The following SLC38A6 variants were observed in gnomAD, a reference collection of about 807,000 sequenced individuals.
SLC38A6 encodes solute carrier family 38 member 6.
In SLC38A6, 73 loss-of-function variants were observed where a neutral mutation model predicts 65.0. That is an observed-to-expected ratio of 1.12 (90% confidence interval 0.93 to 1.37). The LOEUF (loss-of-function observed/expected upper bound fraction) is 1.37. Ranked by LOEUF, SLC38A6 falls within the 40% of genes most tolerant of loss-of-function variation. SLC38A6 has a pLI of 0.00. For missense variants in SLC38A6, 561 were observed against 531.1 expected, an observed-to-expected ratio of 1.06 and a Z score of -0.55; for synonymous variants, 183 against 178.8, an observed-to-expected ratio of 1.02 and a Z score of -0.19.
At chr14:61,003,391 C>A (rs1200890731) in intron 3 of SLC38A6, among the ~76,000 whole-genome samples, 1 of 152,004 alleles carries the variant, frequency 6.6e-6, no homozygotes, top group Non-Finnish European at 1.5e-5. Context: ...TAACCACTTT[C>A]TCATTGTTGA....
intron 3 of SLC38A6, among the ~76,000 whole-genome samples, chr14:60,988,737 C>T (rs193241236): frequency 5.9e-5 from 9 of 152,212 alleles, no homozygotes; most frequent in Admixed American, 5.9e-4. Flanking sequence ...CTCATTCTTA[C>T]TTCCCTCTTT....
At chr14:61,020,654 C>T (rs1223388781) in intron 5 of SLC38A6, among the ~76,000 whole-genome samples, 1 of 151,996 alleles carries the variant, frequency 6.6e-6, no homozygotes, top group Non-Finnish European at 1.5e-5. Flanking sequence ...TAATTTTCTC[C>T]TAACACACAC....
intron 15 of SLC38A6, among the ~76,000 whole-genome samples, chr14:61,076,779 A>C (rs2043435328): frequency 6.6e-6 from 1 of 152,184 alleles, no homozygotes; most frequent in African/African-American, 2.4e-5. Context: ...TTGCCACAGC[A>C]CTGTTGTTTC....
chr14:61,009,237 C>G (rs2039370361), intron 3 of SLC38A6, among the ~76,000 whole-genome samples: 1 of 152,102 alleles, frequency 6.6e-6, no homozygotes, highest in African/African-American at 2.4e-5. Flanking sequence ...TACCCCTGAT[C>G]AGCCTACACA....
intron 15 of SLC38A6, among the ~76,000 whole-genome samples, chr14:61,064,572 A>G (rs1264143096): frequency 6.8e-6 from 1 of 147,818 alleles, no homozygotes; most frequent in East Asian, 2.0e-4. Flanking sequence ...TGCCTTATCT[A>G]GTTGCCTGTT....
chr14:61,061,220 G>T lies in SLC38A6; in HGVS notation c.1290+9085G>T, dbSNP rs538570662. Reference sequence around the variant, plus strand: ...TCATGTGGTTTTTGTCTTTAGTTCTGTTTATGTGATGAATCACATTTATTG... The same window carrying T: ...TCATGTGGTTTTTGTCTTTAGTTCTTTTTATGTGATGAATCACATTTATTG... On this transcript the variant is annotated intron_variant, in intron 15 of 16. Coordinates refer to the SLC38A6 transcript ENST00000354886. 1.6e-4 allele frequency among the ~76,000 whole-genome samples: 25 copies of T among 152,322 alleles called. 1 individual carries two copies. The highest frequency in any genetic ancestry group is 1.4e-3 in the South Asian group (7 of 4,832).
chr14:61,004,393 T>C (rs2139404318), intron 3 of SLC38A6: 1 of 152,300 alleles, frequency 6.6e-6, no homozygotes, highest in East Asian at 1.9e-4. Context: ...TATCCCCATA[T>C]GTAACACTGA....
Position 61,081,833 on chromosome 14 carries a change from A to C in SLC38A6, c.1409-1722A>C, listed in dbSNP as rs555573402. Among the ~76,000 whole-genome samples, 25 of 152,300 alleles carry C rather than the reference A, an allele frequency of 1.6e-4. No individual in the cohort carries two copies. In the East Asian group the frequency reaches 4.6e-3, roughly 28 times the overall value. On this transcript the variant is annotated intron_variant, in intron 16 of 16. Transcript: ENST00000354886. ...CAAGACAGGTTCAGAGAGGTTAAAT[A>C]ATGTATCCAGTGTCAAACTTTTAAA...
chr14:61,053,679 G>A (rs1402595390), downstream of SLC38A6, among the ~76,000 whole-genome samples: 1 of 152,112 alleles, frequency 6.6e-6, no homozygotes, highest in Admixed American at 6.5e-5. Flanking sequence ...CAGCATGTAT[G>A]TATGTCTTCT....
chr14:61,028,075 G>T (rs1003221852), intron 5 of SLC38A6, among the ~76,000 whole-genome samples: 2 of 151,726 alleles, frequency 1.3e-5, no homozygotes, highest in African/African-American at 4.8e-5. Flanking sequence ...AAGAGTTGAG[G>T]GTACAACAAA....
intron 15 of SLC38A6, among the ~76,000 whole-genome samples, chr14:61,065,679 C>A (rs1463384084): frequency 6.6e-6 from 1 of 152,154 alleles, no homozygotes; most frequent in African/African-American, 2.4e-5. Context: ...GTGCTACAGC[C>A]ATTTGACCCT....
chr14:61,077,781 C>G (rs1417344409), intron 15 of SLC38A6, among the ~76,000 whole-genome samples: 1 of 151,744 alleles, frequency 6.6e-6, no homozygotes, highest in Non-Finnish European at 1.5e-5. Flanking sequence ...TTTTTTTCTA[C>G]TCAACTCTCC....
intron 4 of SLC38A6, among the ~76,000 whole-genome samples, chr14:61,016,971 G>A (rs1398259934): frequency 1.3e-5 from 2 of 152,132 alleles, no homozygotes; most frequent in East Asian, 3.8e-4. Flanking sequence ...AAGTGAGTCT[G>A]GAGGAAATAT....
chr14:61,012,792 C>T (rs1246269554), intron 3 of SLC38A6, among the ~76,000 whole-genome samples: 1 of 152,148 alleles, frequency 6.6e-6, no homozygotes, highest in Non-Finnish European at 1.5e-5. Context: ...CTGAAGAGTG[C>T]TTTACTTCCA....
rs751866754 is a variant in SLC38A6, at chr14:60,982,516, C to T, written c.114C>T (p.His38=). Residue 38 remains histidine, a synonymous_variant, in exon 2 of 16, where the codon CAC becomes CAT. Transcript: ENST00000267488. ...ELSPLLSNEL[H]RQRSPGVSFG... ...AATTTGTGTGCTTACAGGAACTTCA[C>T]AGACAGCGATCCCCAGGTGTTTCAT... is the stretch of plus-strand genomic sequence containing the variant. 7.5e-6 allele frequency: 12 copies of T among 1,608,950 alleles called. No individual in the cohort carries two copies. Among genetic ancestry groups the T allele is most frequent in the Non-Finnish European group, 1.0e-5 (12 of 1,178,782 alleles).
Position 61,052,610 on chromosome 14 carries a change from C to G in SLC38A6, c.*181C>G, listed in dbSNP as rs1366903858. 3.9e-6 allele frequency: 3 copies of G among 765,450 alleles called. No homozygotes were observed. Among genetic ancestry groups the G allele is most frequent in the Middle Eastern group, 4.4e-4 (1 of 2,274 alleles). The allele number at this position is 765,450 out of a possible 1,614,324, so 47.4% of individuals were successfully genotyped here. A position where few individuals can be genotyped will look rare whatever the true frequency, so the allele number is the denominator to read the frequency against. On this transcript the variant is annotated 3_prime_UTR_variant, in exon 16 of 16. Transcript: ENST00000267488. ...TGGCAGTTTTAATCAAAAAAAGAAACAAACTCGAAATGCTCTTAAATATAT... is the reference window on the plus strand; with the variant it reads ...TGGCAGTTTTAATCAAAAAAAGAAAGAAACTCGAAATGCTCTTAAATATAT...
intron 3 of SLC38A6, among the ~76,000 whole-genome samples, chr14:61,010,427 G>C (rs1032491797): frequency 1.3e-5 from 2 of 152,090 alleles, no homozygotes; most frequent in Non-Finnish European, 2.9e-5. Flanking sequence ...CATTGCTTTT[G>C]GTGTTTTAGA....
At chr14:61,010,607 C>T (rs1212152053) in intron 3 of SLC38A6, among the ~76,000 whole-genome samples, 2 of 152,148 alleles carry the variant, frequency 1.3e-5, no homozygotes, top group African/African-American at 4.8e-5. Flanking sequence ...ATATGGCTAG[C>T]CAGTTTTCCC....
At chr14:60,989,550 C>G (rs535626342) in intron 3 of SLC38A6, among the ~76,000 whole-genome samples, 32 of 151,994 alleles carry the variant, frequency 2.1e-4, no homozygotes, top group Non-Finnish European at 4.0e-4. Context: ...ATGGTGAAAC[C>G]CCATCTCTAC....
Sources: allele counts gnomAD v4.1 joint callset (sites outside exome capture counted in the v4.1 genomes callset), GRCh38; gene constraint gnomAD v4.1.1; transcripts MANE v1.5; gene names NCBI Gene and HGNC (gene_info 2026-07-23, HGNC 2026-07-21).